POLRMT: variants seen among roughly 807,000 people sequenced by gnomAD.
POLRMT encodes the protein RNA polymerase mitochondrial, also known as DNA-directed RNA polymerase, mitochondrial.
Under a neutral mutation model 132.2 loss-of-function variants are expected in POLRMT, and 114 were observed. That is an observed-to-expected ratio of 0.86 (90% CI 0.74 to 1.01). The LOEUF (loss-of-function observed/expected upper bound fraction) is 1.01. POLRMT is among the 50% of genes least tolerant of loss of function. The pLI is 0.00. For missense variants in POLRMT, 2,003 were observed against 1,729.1 expected (o/e 1.16, Z -2.81); for synonymous variants, 1,020 against 773.4 (o/e 1.32, Z -5.29).
At chr19:618,926 GCACTGGTA>G (rs1404855661) in intron 15 of POLRMT, 63 bp downstream of exon 15, 13 of 1,385,440 alleles carry the variant, frequency 9.4e-6, no homozygotes, top group African/African-American at 1.4e-5. Flanking sequence ...GTACGCTGGG[GCACTGGTA>G]CACTGGGACG....
chr19:630,212 C>T (rs1047601808), intron 2 of POLRMT, 44 bp from the exon 3 acceptor site: 1 of 1,528,794 alleles, frequency 6.5e-7, no homozygotes, highest in South Asian at 1.3e-5. Flanking sequence ...ACCCCCTCCC[C>T]ATTCGAGCAC....
In POLRMT at chr19:633,452, C is replaced by T. The variant is rs1464360279; in HGVS notation, c.61G>A (p.Gly21Ser). 8.3e-6 allele frequency: 13 copies of T among 1,558,534 alleles called. No individual in the cohort carries two copies. Among genetic ancestry groups the T allele is most frequent in the Non-Finnish European group, 1.1e-5 (13 of 1,151,962 alleles). ...TCTTTGCCGGGGAGTCCCGGGCGGC[C>T]GCAAGGCCGTAGGGCTCGTTTGAGC... ...AGLKRALRPC[G>S]RPGLPGKEGT... The change falls in exon 1 of 21, where the codon GGC (glycine) becomes AGC (serine). Residue 21 changes from glycine to serine, a missense_variant. By Grantham distance (56) the Gly-to-Ser change is moderately conservative (BLOSUM62 0). Transcript: ENST00000588649.
chr19:617,365 C>T lies in POLRMT; in HGVS notation c.3644-42G>A, dbSNP rs758489106. 9 of 1,612,450 alleles carry T rather than the reference C, an allele frequency of 5.6e-6. No individual in the cohort carries two copies. In the Admixed American group the frequency reaches 1.2e-4, roughly 21 times the overall value. ...GCGGACGGCGTGGGTGGCGGGAAAG[C>T]CCCGCCCTGGCCCGCAGTTCGAGCC... is the stretch of plus-strand genomic sequence containing the variant. On this transcript the variant is annotated intron_variant, in intron 20 of 20. Coordinates refer to ENST00000588649, the MANE Select transcript of POLRMT (RefSeq NM_005035.4).
Position 633,435 on chromosome 19 carries a change from G to C in POLRMT, c.78C>G (p.Pro26=). Residue 26 remains proline, a synonymous_variant, in exon 1 of 21, where the codon CCC becomes CCG. Transcript: ENST00000588649. The part of the protein sequence containing the change: ...ALRPCGRPGL[P]GKEGTAGGVC... The stretch of plus-strand genomic sequence containing the variant: ...CTCCCTTTGTGTTACCTTCTTTGCC[G>C]GGGAGTCCCGGGCGGCCGCAAGGCC... 1.3e-6 allele frequency: 2 copies of C among 1,550,402 alleles called. No homozygotes were observed. The highest frequency in any genetic ancestry group is 1.7e-6 in the Non-Finnish European group (2 of 1,147,658).
Position 629,911 on chromosome 19 carries a change from C to G in POLRMT, c.451G>C (p.Gly151Arg). 3 of 1,613,542 alleles carry G rather than the reference C, an allele frequency of 1.9e-6. No individual in the cohort carries two copies. Among genetic ancestry groups the G allele is most frequent in the Non-Finnish European group, 1.7e-6 (2 of 1,179,966 alleles). Residue 151 changes from glycine (G) to arginine (R), a missense_variant, in exon 3 of 21, where the codon GGG becomes CGG. Gly to Arg is a moderately radical substitution (Grantham distance 125). Transcript: ENST00000588649. Reference protein sequence around the residue: ...KAKLQMPFQSGEFKALTRRLQ... With the variant: ...KAKLQMPFQSREFKALTRRLQ... The stretch of plus-strand genomic sequence containing the variant: ...CGCCTGGTCAGCGCCTTGAACTCCC[C>G]GCTCTGGAATGGCATCTGCAGCTTC...
chr19:618,681 C>G (rs760347124), intron 16 of POLRMT, 24 bp downstream of exon 16: 2 of 1,605,784 alleles, frequency 1.2e-6, no homozygotes, highest in Non-Finnish European at 1.7e-6. Context: ...CCCGGCCAGG[C>G]CCCAGCCCGG....
intron 17 of POLRMT, 172 bp from the exon 18 acceptor site, chr19:618,021 A>G: frequency 3.3e-6 from 2 of 611,318 alleles, no homozygotes; most frequent in Non-Finnish European, 5.8e-6. Context: ...TGGGTTAGGT[A>G]TCAGTACAGG....
In POLRMT at chr19:617,613, G is replaced by C. The variant is rs148585853; in HGVS notation, c.3538C>G (p.Leu1180Val). The change falls in exon 19 of 21, where the codon CTG becomes GTG. Residue 1180 changes from leucine to valine, a missense_variant. Coordinates refer to ENST00000588649, the MANE Select transcript of POLRMT (RefSeq NM_005035.4). Reference protein sequence around the residue: ...QFVRLHSEPILQDLSRFLVKR... With the variant: ...QFVRLHSEPIVQDLSRFLVKR... ...ACCAGGAATCTGGACAGGTCCTGCA[G>C]GATGGGCTCGCTGTGCAAGCGGACA... 2.2e-5 allele frequency: 36 copies of C among 1,612,448 alleles called. No homozygotes were observed. In the South Asian group the frequency reaches 3.7e-4, roughly 17 times the overall value.
At chr19:622,466 G>C (rs1255845639) in intron 8 of POLRMT, 93 bp from the exon 9 acceptor site, 29 of 1,464,924 alleles carry the variant, frequency 2.0e-5, no homozygotes, top group South Asian at 1.4e-4. Flanking sequence ...GCATCTGTCA[G>C]CCCAAGCATA....
In POLRMT at chr19:621,853, T is replaced by A. The variant is rs374449893; in HGVS notation, c.1852-7A>T. Reference sequence around the variant, plus strand: ...GCGGCTTCAGGATGCCGATCTGGGGTGCGACAGGCAGACGGGTCAGGGCCC... The same window carrying A: ...GCGGCTTCAGGATGCCGATCTGGGGAGCGACAGGCAGACGGGTCAGGGCCC... On this transcript the variant is annotated splice_polypyrimidine_tract_variant and splice_region_variant and intron_variant, in intron 9 of 20. Transcript: ENST00000588649. 28 of 1,600,928 alleles carry A rather than the reference T, an allele frequency of 1.7e-5. No individual in the cohort carries two copies. The South Asian group carries it at 3.1e-4, about 18-fold the overall frequency.
In POLRMT at chr19:619,076, T is replaced by C; in HGVS notation, c.3188A>G (p.His1063Arg). Residue 1063 changes from histidine to arginine, a missense_variant, in exon 15 of 21, where the codon CAC (histidine) becomes CGC (arginine). By Grantham distance (29) the His-to-Arg change is conservative. Transcript: ENST00000588649. Reference protein sequence around the residue: ...WLTESARLISHMGSVVEWVTP... With the variant: ...WLTESARLISRMGSVVEWVTP... ...GACCCACTCCACCACAGAGCCCATG[T>C]GGGAGATGAGGCGGGCACTCTCGGT... The C allele has an allele frequency of 6.2e-7, 1 of 1,610,664 alleles. No individual in the cohort carries two copies. The highest frequency in any genetic ancestry group is 8.5e-7 in the Non-Finnish European group (1 of 1,179,028).
intron 3 of POLRMT, among the ~76,000 whole-genome samples, chr19:626,791 C>T (rs956169769): frequency 1.3e-5 from 2 of 151,010 alleles, no homozygotes; most frequent in South Asian, 2.1e-4. Context: ...ACGCAGAAAG[C>T]GGAAATTGCG....
chr19:623,464 A>G lies in POLRMT; in HGVS notation c.1280T>C (p.Val427Ala). 1 of 1,610,848 alleles carries G rather than the reference A, an allele frequency of 6.2e-7. No individual in the cohort carries two copies. Among genetic ancestry groups the G allele is most frequent in the Non-Finnish European group, 8.5e-7 (1 of 1,179,696 alleles). ...VEKPTLPSKE[V>A]KHARKTLKTL... Reference sequence around the variant, plus strand: ...CGGCTCAGCCCCTACCGCGTGCTTGACCTCCTTGCTTGGCAACGTGGGCTT... The same window carrying G: ...CGGCTCAGCCCCTACCGCGTGCTTGGCCTCCTTGCTTGGCAACGTGGGCTT... Residue 427 changes from valine (V) to alanine (A), a missense_variant, in exon 6 of 21, where the codon GTC becomes GCC. Physicochemically the swap from Val to Ala is moderately conservative, Grantham distance 64. Coordinates refer to ENST00000588649, the MANE Select transcript of POLRMT (RefSeq NM_005035.4).
At position 625,250 on chromosome 19, in the gene POLRMT, G is replaced by T. The variant is rs746959202; in HGVS notation, c.827C>A (p.Ala276Asp). ...AVMLGWARQG[A>D]FKELVYVLFM... Reference sequence around the variant, plus strand: ...TAACACATATACCAGCTCCTTGAAGGCACCCTGGGAGACCAAGCCAGGGTG... The same window carrying T: ...TAACACATATACCAGCTCCTTGAAGTCACCCTGGGAGACCAAGCCAGGGTG... The change falls in exon 4 of 21, where the codon GCC becomes GAC. Residue 276 changes from alanine to aspartate, a missense_variant. Transcript: ENST00000588649. 1 of 1,613,868 alleles carries T rather than the reference G, an allele frequency of 6.2e-7. No homozygotes were observed. The highest frequency in any genetic ancestry group is 8.5e-7 in the Non-Finnish European group (1 of 1,179,890).
chr19:624,663 A>G (rs1352839700), intron 5 of POLRMT, 56 bp downstream of exon 5: 2 of 1,560,184 alleles, frequency 1.3e-6, no homozygotes, highest in Non-Finnish European at 1.7e-6. Flanking sequence ...AGGCTCCAGG[A>G]ACCCCCAAAG....
intron 6 of POLRMT, 24 bp downstream of exon 6, chr19:623,430 A>G: frequency 6.2e-7 from 1 of 1,606,142 alleles, no homozygotes; most frequent in Non-Finnish European, 8.5e-7. Context: ...TGCGGCGGAC[A>G]CGGGACCCCG....
At position 621,053 on chromosome 19, in the gene POLRMT, C is replaced by T; in HGVS notation, c.2640+5G>A. The stretch of plus-strand genomic sequence containing the variant: ...GGGCGGGGAATGCGGGGGCCCCGCC[C>T]CTACCGTCAAGGGTTGGTCCGCGGA... On this transcript the variant is annotated splice_donor_5th_base_variant and intron_variant, in intron 10 of 20. Coordinates refer to ENST00000588649, the MANE Select transcript of POLRMT (RefSeq NM_005035.4). The T allele has an allele frequency of 1.9e-6, 3 of 1,584,938 alleles. No individual in the cohort carries two copies. The highest frequency in any genetic ancestry group is 2.6e-6 in the Non-Finnish European group (3 of 1,170,498).
At chr19:618,273 C>T (rs944845055) in intron 17 of POLRMT, 4 of 569,814 alleles carry the variant, frequency 7.0e-6, no homozygotes, top group African/African-American at 1.9e-5. Flanking sequence ...CGCCCATGCT[C>T]GGCTCTCCCT....
chr19:631,566 G>A (rs935426744), intron 2 of POLRMT, among the ~76,000 whole-genome samples: 2 of 151,992 alleles, frequency 1.3e-5, no homozygotes, highest in African/African-American at 4.8e-5. Context: ...TTGAACTCGG[G>A]AGGCGGAGGC....
Sources: gnomAD v4.1 joint callset for allele counts (sites outside exome capture counted in the v4.1 genomes callset) on GRCh38, gnomAD v4.1.1 for gene constraint, MANE v1.5 for transcripts, NCBI Gene and HGNC (gene_info 2026-07-23, HGNC 2026-07-21) for gene names.